The following MEP1A variants were observed in gnomAD, a reference collection of about 807,000 sequenced individuals.
The protein encoded by MEP1A is meprin A subunit alpha, also known as N-benzoyl-L-tyrosyl-P-amino-benzoic acid hydrolase subunit alpha.
In MEP1A, 68 loss-of-function variants were observed where a neutral mutation model predicts 84.5. The observed-to-expected ratio is 0.80, with a 90% CI of 0.66 to 0.98. The LOEUF is 0.98. Ranked by LOEUF, MEP1A falls within the 50% of genes least tolerant of loss-of-function variation. The pLI, the probability that MEP1A is intolerant of heterozygous loss-of-function variation, is 0.00. For synonymous variants in MEP1A, 337 were observed against 336.8 expected (o/e 1.00, Z -0.01); for missense variants, 887 against 919.9 (o/e 0.96, Z 0.46).
Position 46,834,601 on chromosome 6 carries a change from G to T in MEP1A, c.1633G>T (p.Asp545Tyr). The T allele has an allele frequency of 6.2e-7, 1 of 1,609,798 alleles. No individual in the cohort carries two copies. The highest frequency in any genetic ancestry group is 1.1e-5 in the South Asian group (1 of 90,582). Residue 545 changes from aspartate to tyrosine, a missense_variant, in exon 12 of 14, where the codon GAC (aspartate) becomes TAC (tyrosine). Transcript: ENST00000230588. The stretch of plus-strand genomic sequence containing the variant: ...AGCGATAAATGACACTGTCATCTGG[G>T]ACAGGCCGTCCAGGGTGGGAACCTA... ...SPAINDTVIWDRPSRVGTYHT... is the reference protein window; with the variant it reads ...SPAINDTVIWYRPSRVGTYHT...
downstream of MEP1A, among the ~76,000 whole-genome samples, chr6:46,842,003 C>A (rs1768339224): frequency 6.6e-6 from 1 of 152,170 alleles, no homozygotes; most frequent in Admixed American, 6.5e-5. Flanking sequence ...ATTATAATTT[C>A]TTATGCCCGT....
intron 11 of MEP1A, 78 bp downstream of exon 11, chr6:46,833,616 G>A: frequency 9.6e-7 from 1 of 1,040,998 alleles, no homozygotes; most frequent in South Asian, 1.4e-5. Flanking sequence ...GTGCAAGAAA[G>A]AGTAACGTTC....
intron 8 of MEP1A, 26 bp from the exon 9 acceptor site, chr6:46,826,327 AC>A: frequency 1.3e-6 from 2 of 1,570,720 alleles, no homozygotes; most frequent in Non-Finnish European, 1.7e-6. Flanking sequence ...TTCATTTTTA[AC>A]CAGATGATAA....
At chr6:46,837,982 C>T (rs1369283029) in intron 13 of MEP1A, among the ~76,000 whole-genome samples, 2 of 151,846 alleles carry the variant, frequency 1.3e-5, no homozygotes, top group Admixed American at 6.6e-5. Flanking sequence ...ACTTCCACCC[C>T]CCGGGTTCAA....
intron 6 of MEP1A, among the ~76,000 whole-genome samples, chr6:46,811,487 G>A (rs1167185015): frequency 1.3e-5 from 2 of 151,838 alleles, no homozygotes; most frequent in East Asian, 1.9e-4. Context: ...TGATTGCTTT[G>A]GCTAGGACTT....
intron 6 of MEP1A, among the ~76,000 whole-genome samples, chr6:46,811,264 C>T (rs1230607990): frequency 6.6e-6 from 1 of 151,992 alleles, no homozygotes; most frequent in Non-Finnish European, 1.5e-5. Context: ...TGATTTGATT[C>T]TTAGCTTGGA....
intron 10 of MEP1A, 145 bp from the exon 11 acceptor site, chr6:46,832,929 G>A (rs1235851504): frequency 3.8e-6 from 2 of 525,156 alleles, no homozygotes; most frequent in Non-Finnish European, 3.4e-6. Context: ...TACTTAACCA[G>A]TTTATAACAG....
chr6:46,841,876 T>G (rs539849987), downstream of MEP1A, among the ~76,000 whole-genome samples: 7 of 152,332 alleles, frequency 4.6e-5, no homozygotes, highest in South Asian at 1.4e-3. Context: ...TTCATATTTG[T>G]TAACCATTGT....
At chr6:46,814,471 C>T (rs891961594) in intron 6 of MEP1A, among the ~76,000 whole-genome samples, 1 of 151,938 alleles carries the variant, frequency 6.6e-6, no homozygotes, top group African/African-American at 2.4e-5. Flanking sequence ...TTTTTGATTT[C>T]TTTAAGTTGG....
At chr6:46,799,336 T>C (rs1767141278) in intron 5 of MEP1A, among the ~76,000 whole-genome samples, 155 bp downstream of exon 5, 1 of 152,176 alleles carries the variant, frequency 6.6e-6, no homozygotes, top group African/African-American at 2.4e-5. Context: ...GACATAACAT[T>C]ACATCAAAAG....
intron 7 of MEP1A, among the ~76,000 whole-genome samples, chr6:46,821,218 G>T (rs1435022800): frequency 6.6e-6 from 1 of 152,092 alleles, no homozygotes; most frequent in Non-Finnish European, 1.5e-5. Context: ...CTTATATTCT[G>T]GTAATTCTAT....
At chr6:46,805,406 A>G (rs1430498463) in intron 5 of MEP1A, among the ~76,000 whole-genome samples, 1 of 151,938 alleles carries the variant, frequency 6.6e-6, no homozygotes, top group African/African-American at 2.4e-5. Context: ...TATGACTAGT[A>G]ATGTTGACCT....
At chr6:46,828,705 T>A (rs1768003010) in intron 9 of MEP1A, among the ~76,000 whole-genome samples, 1 of 152,120 alleles carries the variant, frequency 6.6e-6, no homozygotes, top group East Asian at 1.9e-4. Flanking sequence ...GATATCTGAG[T>A]CAGGTAAACC....
intron 5 of MEP1A, among the ~76,000 whole-genome samples, chr6:46,803,595 C>T (rs959481671): frequency 5.4e-4 from 81 of 151,198 alleles, no homozygotes; most frequent in Admixed American, 4.5e-3. Context: ...TTTCTGTTAC[C>T]TTTATTATTT....
intron 5 of MEP1A, among the ~76,000 whole-genome samples, chr6:46,806,298 T>C (rs948436968): frequency 1.3e-5 from 2 of 152,102 alleles, no homozygotes; most frequent in Admixed American, 6.6e-5. Context: ...TTGTGTTACA[T>C]TGTAGTGATT....
chr6:46,794,643 T>C (rs1035963907), intron 3 of MEP1A, among the ~76,000 whole-genome samples: 1 of 152,178 alleles, frequency 6.6e-6, no homozygotes, highest in Non-Finnish European at 1.5e-5. Flanking sequence ...AGTTGATATT[T>C]AATTGGAATA....
In MEP1A at chr6:46,809,123, T is replaced by C. The variant is rs549284220; in HGVS notation, c.263-297T>C. Among the ~76,000 whole-genome samples, 5 of 151,228 alleles carry C rather than the reference T, an allele frequency of 3.3e-5. No homozygotes were observed. In the South Asian group the frequency reaches 1.0e-3, roughly 32 times the overall value. ...GGGGGAAAGGCAAAGGGAGAAAGTG[T>C]GGAAGTTATTTTATTATTTTATTTA... On this transcript the variant is annotated intron_variant, in intron 5 of 13. Transcript: ENST00000230588.
chr6:46,815,187 C>A (rs1767606434), intron 6 of MEP1A, among the ~76,000 whole-genome samples: 1 of 152,108 alleles, frequency 6.6e-6, no homozygotes, highest in Admixed American at 6.6e-5. Context: ...GCTACCAGGG[C>A]AGGTAGAGAA....
intron 6 of MEP1A, among the ~76,000 whole-genome samples, chr6:46,816,530 G>C (rs2150748309): frequency 1.3e-5 from 2 of 151,952 alleles, no homozygotes; most frequent in Middle Eastern, 6.8e-3. Flanking sequence ...GGACAAATCA[G>C]AGGCAGGAAG....
Sources: allele counts gnomAD v4.1 joint callset (sites outside exome capture counted in the v4.1 genomes callset), GRCh38; gene constraint gnomAD v4.1.1; transcripts MANE v1.5; gene names NCBI Gene and HGNC (gene_info 2026-07-23, HGNC 2026-07-21).